LMO7: variants seen among roughly 807,000 people sequenced by gnomAD.
The protein encoded by LMO7 is LIM domain 7, also known as LIM domain only protein 7.
LMO7 carries 120 observed loss-of-function variants against 206.5 expected under a neutral mutation model. That is an observed-to-expected ratio of 0.58 (90% CI 0.50 to 0.68). The LOEUF is 0.68. Among genes scored for constraint, LMO7 ranks in the 30% least tolerant of loss-of-function variants. The pLI is 0.00. For missense variants in LMO7, 1,959 were observed against 1,957.9 expected (o/e 1.00, Z -0.01); for synonymous variants, 706 against 681.5 (o/e 1.04, Z -0.56).
intron 1 of LMO7, among the ~76,000 whole-genome samples, chr13:75,705,241 A>T (rs1267991338): frequency 1.3e-5 from 2 of 152,206 alleles, no homozygotes; most frequent in Non-Finnish European, 2.9e-5. Context: ...CTTTTTTCCC[A>T]GAGGAGTCGA....
intron 1 of LMO7, among the ~76,000 whole-genome samples, chr13:75,692,981 T>C (rs2041614743): frequency 6.6e-6 from 1 of 152,204 alleles, no homozygotes; most frequent in Admixed American, 6.5e-5. Context: ...TGCATACTCC[T>C]GTGAAAAGGA....
At chr13:75,693,130 A>T (rs750370143) in intron 1 of LMO7, among the ~76,000 whole-genome samples, 3 of 152,228 alleles carry the variant, frequency 2.0e-5, no homozygotes, top group Non-Finnish European at 2.9e-5. Context: ...TAGCTGTATT[A>T]TCTGGCCTTT....
intron 2 of LMO7, among the ~76,000 whole-genome samples, chr13:75,723,007 G>T (rs1189571693): frequency 7.9e-5 from 12 of 152,042 alleles, no homozygotes; most frequent in Non-Finnish European, 1.6e-4. Context: ...TGGACTTTGG[G>T]GACTCGGGGG....
intron 15 of LMO7, among the ~76,000 whole-genome samples, chr13:75,825,310 T>C (rs2058014444): frequency 6.6e-6 from 1 of 152,184 alleles, no homozygotes; most frequent in South Asian, 2.1e-4. Context: ...TTCACAGATT[T>C]GCATGTTTGC....
At chr13:75,853,896 T>C (rs540883795) in intron 28 of LMO7, among the ~76,000 whole-genome samples, 1 of 152,336 alleles carries the variant, frequency 6.6e-6, no homozygotes, top group East Asian at 1.9e-4. Flanking sequence ...ATTAAAGAAA[T>C]GCAAAGTCGG....
At chr13:75,734,276 G>A (rs546915985) in intron 3 of LMO7, among the ~76,000 whole-genome samples, 4 of 152,116 alleles carry the variant, frequency 2.6e-5, no homozygotes, top group East Asian at 3.9e-4. Flanking sequence ...ATAATAATGC[G>A]GGGCGTTGTC....
chr13:75,741,498 C>T (rs939461300), intron 3 of LMO7, among the ~76,000 whole-genome samples: 2 of 152,196 alleles, frequency 1.3e-5, no homozygotes, highest in Non-Finnish European at 2.9e-5. Context: ...CACCGGCAAA[C>T]TGAATCCAGC....
At position 75,805,577 on chromosome 13, in the gene LMO7, C is replaced by T; in HGVS notation, c.1013C>T (p.Thr338Ile). The T allele has an allele frequency of 6.2e-7, 1 of 1,614,038 alleles. No individual in the cohort carries two copies. Among genetic ancestry groups the T allele is most frequent in the Non-Finnish European group, 8.5e-7 (1 of 1,179,886 alleles). ...TATTTGGAAGAGGAAAAAGCAAAGACAAGAAGCATACCCAACATTGTAAAG... is the reference window on the plus strand; with the variant it reads ...TATTTGGAAGAGGAAAAAGCAAAGATAAGAAGCATACCCAACATTGTAAAG... ...SCYLEEEKAK[T>I]RSIPNIVKDD... is the part of the protein sequence containing the mutation. Residue 338 changes from threonine to isoleucine, a missense_variant, in exon 9 of 31, where the codon ACA becomes ATA. Thr to Ile is a moderately conservative substitution (Grantham distance 89). Transcript: ENST00000377534.
chr13:75,693,910 A>AT (rs752480075), intron 1 of LMO7, among the ~76,000 whole-genome samples: 1 of 151,828 alleles, frequency 6.6e-6, no homozygotes, highest in African/African-American at 2.4e-5. Flanking sequence ...CTTTTTCCTG[A>AT]TTTGTGCTCT....
chr13:75,681,926 G>A (rs912906583), intron 1 of LMO7, among the ~76,000 whole-genome samples: 3 of 151,654 alleles, frequency 2.0e-5, no homozygotes, highest in Non-Finnish European at 4.4e-5. Context: ...GATTTGGGTT[G>A]TTTCCAGTTT....
chr13:75,825,900 G>A (rs964420218), intron 15 of LMO7, among the ~76,000 whole-genome samples: 5 of 152,092 alleles, frequency 3.3e-5, no homozygotes, highest in Admixed American at 6.5e-5. Flanking sequence ...TAAATGTTTC[G>A]GTAGCTTTGT....
chr13:75,792,763 G>C (rs2053478714), intron 4 of LMO7, among the ~76,000 whole-genome samples: 1 of 152,154 alleles, frequency 6.6e-6, no homozygotes, highest in Non-Finnish European at 1.5e-5. Flanking sequence ...TTGAATTCCT[G>C]GCATTGCATT....
chr13:75,812,530 G>A (rs534683312), intron 11 of LMO7, among the ~76,000 whole-genome samples: 3 of 151,988 alleles, frequency 2.0e-5, no homozygotes, highest in South Asian at 2.1e-4. Context: ...GGTTCTTTTC[G>A]ATCCTTACTC....
chr13:75,733,665 T>G (rs959219441), intron 3 of LMO7, among the ~76,000 whole-genome samples: 2 of 152,190 alleles, frequency 1.3e-5, no homozygotes, highest in Non-Finnish European at 2.9e-5. Flanking sequence ...CACTCCCTAG[T>G]GAGATGAACA....
At chr13:75,833,028 A>T in intron 15 of LMO7, 23 bp from the exon 16 acceptor site, 1 of 1,364,278 alleles carries the variant, frequency 7.3e-7, no homozygotes, top group Non-Finnish European at 1.0e-6. Context: ...ACCGGATACC[A>T]GCGTTTCATG....
intron 4 of LMO7, among the ~76,000 whole-genome samples, chr13:75,781,096 CTTTTTTTTTT>C (rs367937964): frequency 1.4e-4 from 6 of 41,924 alleles, no homozygotes; most frequent in Admixed American, 6.7e-4. Flanking sequence ...CTCTATTTTC[CTTTTTTTTTT>C]TTTTTTTTTT....
At chr13:75,787,813 G>A (rs1316291761) in intron 4 of LMO7, among the ~76,000 whole-genome samples, 2 of 152,186 alleles carry the variant, frequency 1.3e-5, no homozygotes, top group Non-Finnish European at 2.9e-5. Flanking sequence ...TGGGAGGGAA[G>A]GAGGTAGATT....
At chr13:75,827,193 A>G (rs2058199079) in intron 15 of LMO7, among the ~76,000 whole-genome samples, 1 of 152,202 alleles carries the variant, frequency 6.6e-6, no homozygotes, top group Non-Finnish European at 1.5e-5. Context: ...ACTGCATTCA[A>G]GGCCTTAATT....
rs746986716 is a variant in LMO7, at chr13:75,840,088, G to A, written c.3455G>A (p.Ser1152Asn). Reference protein sequence around the residue: ...KRRSQFFEQGSSDSVVPDLPV... With the variant: ...KRRSQFFEQGNSDSVVPDLPV... ...TTGCCCATGTGCTGCAACACAGGAA[G>A]CTCTGATTCGGTGGTTCCTGATGTA... is the stretch of plus-strand genomic sequence containing the variant. The change falls in exon 21 of 31, where the codon AGC becomes AAC. Residue 1152 changes from serine (S) to asparagine (N), a missense_variant. By Grantham distance (46) the Ser-to-Asn change is conservative. Transcript: ENST00000377534. 1 of 1,613,928 alleles carries A rather than the reference G, an allele frequency of 6.2e-7. No individual in the cohort carries two copies. Among genetic ancestry groups the A allele is most frequent in the Non-Finnish European group, 8.5e-7 (1 of 1,179,838 alleles).
Sources: allele counts gnomAD v4.1 joint callset (sites outside exome capture counted in the v4.1 genomes callset), GRCh38; gene constraint gnomAD v4.1.1; transcripts MANE v1.5; gene names NCBI Gene and HGNC (gene_info 2026-07-23, HGNC 2026-07-21).